The following DDHD2 variants were observed in gnomAD, a reference collection of about 807,000 sequenced individuals.
DDHD2 encodes the protein DDHD domain containing 2, also known as triacylglycerol hydrolase DDHD2.
Under a neutral mutation model 91.2 loss-of-function variants are expected in DDHD2, and 62 were observed. The observed-to-expected ratio is 0.68, with a 90% CI of 0.55 to 0.84. The LOEUF is 0.84. Ranked by LOEUF, DDHD2 falls within the 40% of genes least tolerant of loss-of-function variation. The probability of loss-of-function intolerance (pLI) is 0.00; values close to 1 mark genes in which losing one functional copy is unlikely to be tolerated. For missense variants in DDHD2, 740 were observed against 846.9 expected (o/e 0.87, Z 1.57); for synonymous variants, 271 against 293.9 (o/e 0.92, Z 0.80).
chr8:38,236,879 G>A (rs1431176495), intron 3 of DDHD2, among the ~76,000 whole-genome samples: 1 of 151,848 alleles, frequency 6.6e-6, no homozygotes, highest in Non-Finnish European at 1.5e-5. Flanking sequence ...TGGCCAGGCT[G>A]GTCTCGAATG....
At chr8:38,271,846 T>C (rs919623764), downstream of DDHD2, 4 of 152,234 alleles carry the variant, frequency 2.6e-5, no homozygotes, top group African/African-American at 9.6e-5. Flanking sequence ...TAAGAGGACA[T>C]GGCATGTGGC....
rs1358257612 is a variant in DDHD2, at chr8:38,231,849, G to C, written c.-19G>C. ...AGGGCAGGAGAGCCTGAGGAGTGGCGGGGCCGCCAGGTGAGACCGCGTCGG... is the reference window on the plus strand; with the variant it reads ...AGGGCAGGAGAGCCTGAGGAGTGGCCGGGCCGCCAGGTGAGACCGCGTCGG... On this transcript the variant is annotated 5_prime_UTR_variant, in exon 1 of 18. Transcript: ENST00000397166. 1 of 153,070 alleles carries C rather than the reference G, an allele frequency of 6.5e-6. No homozygotes were observed. The highest frequency in any genetic ancestry group is 2.4e-5 in the African/African-American group (1 of 41,444). The allele number at this position is 153,070 out of a possible 1,614,324, so 9.5% of individuals were successfully genotyped here. A position where few individuals can be genotyped will look rare whatever the true frequency, so the allele number is the denominator to read the frequency against.
downstream of DDHD2, chr8:38,263,399 G>C (rs1807188853): frequency 9.1e-6 from 9 of 985,264 alleles, no homozygotes; most frequent in Non-Finnish European, 1.1e-5. Context: ...TGGTGCATTT[G>C]AGCAGATCTT....
rs146825198 is a variant in DDHD2, at chr8:38,238,124, T to C, written c.537T>C (p.Asp179=). The C allele has an allele frequency of 3.7e-6, 6 of 1,613,276 alleles. No individual in the cohort carries two copies. The African/African-American group carries it at 6.7e-5, about 18-fold the overall frequency. ...MVHYQPVAGS[D]DWGSTPTEQG... Reference sequence around the variant, plus strand: ...ATTACCAGCCAGTTGCAGGGTCTGATGATTGGGGTTCAACACCCACGGAGC... The same window carrying C: ...ATTACCAGCCAGTTGCAGGGTCTGACGATTGGGGTTCAACACCCACGGAGC... The change falls in exon 5 of 18, where the codon GAT becomes GAC. Residue 179 remains aspartate, a synonymous_variant. Coordinates refer to ENST00000397166, the MANE Select transcript of DDHD2 (RefSeq NM_015214.3).
chr8:38,235,005 T>C (rs1249004513), intron 3 of DDHD2, among the ~76,000 whole-genome samples: 1 of 152,102 alleles, frequency 6.6e-6, no homozygotes, highest in Non-Finnish European at 1.5e-5. Context: ...TTTTTTTTCA[T>C]GTTTCATTAA....
chr8:38,244,503 G>A (rs536234949), intron 7 of DDHD2, among the ~76,000 whole-genome samples: 4 of 152,056 alleles, frequency 2.6e-5, no homozygotes, highest in East Asian at 3.9e-4. Flanking sequence ...TGATCTGCCC[G>A]CCTCAGCCTC....
intron 11 of DDHD2, chr8:38,250,037 C>G (rs946288740): frequency 9.0e-6 from 2 of 221,250 alleles, no homozygotes; most frequent in African/African-American, 4.6e-5. Context: ...CTGCCTCAGC[C>G]TCTCGAGTAG....
At chr8:38,240,552 T>C (rs1037805156) in intron 6 of DDHD2, among the ~76,000 whole-genome samples, 188 bp downstream of exon 6, 10 of 152,370 alleles carry the variant, frequency 6.6e-5, no homozygotes, top group Middle Eastern at 6.8e-3. Flanking sequence ...TAGTTTATAC[T>C]CTTAACTATT....
At chr8:38,257,787 C>T (rs563471501) in intron 16 of DDHD2, among the ~76,000 whole-genome samples, 6 of 151,600 alleles carry the variant, frequency 4.0e-5, no homozygotes, top group Non-Finnish European at 7.4e-5. Flanking sequence ...GCCTCAGCCT[C>T]CCAAGTAGCC....
chr8:38,239,611 C>T (rs1409950646), intron 5 of DDHD2, among the ~76,000 whole-genome samples: 5 of 146,190 alleles, frequency 3.4e-5, no homozygotes, highest in Admixed American at 1.4e-4. Flanking sequence ...CGCTTAAACC[C>T]GGGAGGCAGA....
chr8:38,266,406 A>T (rs899955970), downstream of DDHD2: 11 of 1,179,386 alleles, frequency 9.3e-6, no homozygotes, highest in African/African-American at 1.6e-5. Context: ...GTATGTTTTT[A>T]TTTATTTATT....
chr8:38,235,847 C>T (rs374786412), intron 3 of DDHD2, among the ~76,000 whole-genome samples: 3 of 148,184 alleles, frequency 2.0e-5, no homozygotes. Flanking sequence ...AAGCAAGACC[C>T]CACCACTACA....
At chr8:38,256,987 G>A (rs1056111760) in intron 16 of DDHD2, among the ~76,000 whole-genome samples, 1 of 150,676 alleles carries the variant, frequency 6.6e-6, no homozygotes, top group Admixed American at 6.6e-5. Flanking sequence ...GCAGTGGTGC[G>A]ATTATAGCTC....
chr8:38,251,890 A>G lies in DDHD2; in HGVS notation c.1345-22A>G, dbSNP rs780515684. ...ATGCCGTCATGCCCAGCTTCTCCAC[A>G]TAACTATTTTTTATTCTTTAGGGTA... On this transcript the variant is annotated intron_variant, in intron 11 of 17. Transcript: ENST00000397166. The G allele has an allele frequency of 3.0e-5, 47 of 1,579,022 alleles. No individual in the cohort carries two copies. In the East Asian group the frequency reaches 9.8e-4, roughly 33 times the overall value.
At position 38,235,232 on chromosome 8, in the gene DDHD2, G is replaced by A. The variant is rs553374893; in HGVS notation, c.411+648G>A. 2.0e-4 allele frequency among the ~76,000 whole-genome samples: 30 copies of A among 152,106 alleles called. No individual in the cohort carries two copies. In the South Asian group the frequency reaches 5.6e-3, roughly 28 times the overall value. On this transcript the variant is annotated intron_variant, in intron 3 of 17. Transcript: ENST00000397166. Reference sequence around the variant, plus strand: ...TTGAAAGGAAAATATTGTAATGGGAGAGTTGTTCCTACTGATTTTTATTAG... The same window carrying A: ...TTGAAAGGAAAATATTGTAATGGGAAAGTTGTTCCTACTGATTTTTATTAG...
intron 1 of DDHD2, chr8:38,268,226 T>G: frequency 1.9e-6 from 2 of 1,047,418 alleles, no homozygotes; most frequent in South Asian, 3.3e-5. Context: ...GTCCCTGCAG[T>G]GCTATTTTCC....
intron 3 of DDHD2, among the ~76,000 whole-genome samples, chr8:38,236,830 A>G (rs1485811688): frequency 2.0e-5 from 3 of 150,948 alleles, no homozygotes; most frequent in African/African-American, 4.9e-5. Context: ...CACACTGGCT[A>G]ATTTTTGTAT....
downstream of DDHD2, chr8:38,266,399 T>C (rs1807593477): frequency 1.1e-5 from 13 of 1,211,332 alleles, no homozygotes; most frequent in African/African-American, 4.6e-5. Flanking sequence ...AGCATGAGTA[T>C]GTTTTTATTT....
chr8:38,251,230 A>G (rs915172815), intron 11 of DDHD2: 1 of 152,082 alleles, frequency 6.6e-6, no homozygotes, highest in Non-Finnish European at 1.5e-5. Flanking sequence ...TATTTTTAGT[A>G]TGGGGTTTCA....
Sources: gnomAD v4.1 joint callset for allele counts (sites outside exome capture counted in the v4.1 genomes callset) on GRCh38, gnomAD v4.1.1 for gene constraint, MANE v1.5 for transcripts, NCBI Gene and HGNC (gene_info 2026-07-23, HGNC 2026-07-21) for gene names.